The following THADA variants were observed in gnomAD, a reference collection of about 807,000 sequenced individuals.
THADA encodes tRNA (32-2'-O)-methyltransferase regulator THADA.
In THADA, 213 loss-of-function variants were observed where a neutral mutation model predicts 219.8. The observed-to-expected ratio is 0.97, with a 90% CI of 0.87 to 1.09. THADA has a LOEUF of 1.09. Among genes scored for constraint, THADA ranks in the 50% least tolerant of loss-of-function variants. The pLI, the probability that THADA is intolerant of heterozygous loss-of-function variation, is 0.00. For missense variants in THADA, 2,956 were observed against 2,311.3 expected, an observed-to-expected ratio of 1.28 and a Z score of -5.72; for synonymous variants, 1,018 against 828.9, an observed-to-expected ratio of 1.23 and a Z score of -3.92.
At chr2:43,385,871 T>C (rs1332727851) in intron 29 of THADA, among the ~76,000 whole-genome samples, 1 of 151,456 alleles carries the variant, frequency 6.6e-6, no homozygotes, top group Non-Finnish European at 1.5e-5. Context: ...ATCCATTTGA[T>C]ATTAAAAAAA....
intron 30 of THADA, among the ~76,000 whole-genome samples, chr2:43,334,690 G>A (rs1256219369): frequency 5.9e-5 from 9 of 151,926 alleles, no homozygotes; most frequent in Non-Finnish European, 5.9e-5. Context: ...CAGGAGAATG[G>A]CGTGAACCTG....
rs1262556702 is a variant in THADA at position 43,572,707 on chromosome 2, T to A, written c.1908+107A>T. 17 of 947,788 alleles carry A rather than the reference T, an allele frequency of 1.8e-5. No homozygotes were observed. In the East Asian group the frequency reaches 4.0e-4, roughly 23 times the overall value. The allele number at this position is 947,788 out of a possible 1,614,324, so 58.7% of individuals were successfully genotyped here. On this transcript the variant is annotated intron_variant, in intron 12 of 37. Coordinates refer to ENST00000405975, the MANE Select transcript of THADA (RefSeq NM_022065.5). ...CTAGGGTTTCTACTCATTCTCTTTATGAACTCCCTAAAACAGTTCAGGATA... is the reference window on the plus strand; with the variant it reads ...CTAGGGTTTCTACTCATTCTCTTTAAGAACTCCCTAAAACAGTTCAGGATA...
At position 43,595,955 on chromosome 2, in the gene THADA, G is replaced by A. The variant is rs1702107151; in HGVS notation, c.-49C>T. 3 of 152,340 alleles carry A rather than the reference G, an allele frequency of 2.0e-5. No homozygotes were observed. Among genetic ancestry groups the A allele is most frequent in the Non-Finnish European group, 2.9e-5 (2 of 68,048 alleles). 9.4% of individuals were successfully genotyped at this position (152,340 alleles called of 1,614,324 possible). ...CCTCGTGCACGTCGGCGTCTGAGAA[G>A]AGTCGCAGGCGCCTGGTCCAGTCCC... On this transcript the variant is annotated 5_prime_UTR_variant, in exon 1 of 38. Transcript: ENST00000405975.
intron 22 of THADA, among the ~76,000 whole-genome samples, chr2:43,526,496 A>G (rs1693183131): frequency 6.6e-6 from 1 of 152,150 alleles, no homozygotes; most frequent in African/African-American, 2.4e-5. Flanking sequence ...CATTAGCACA[A>G]ATTCCACCTC....
At chr2:43,510,226 T>C (rs905816848) in intron 22 of THADA, among the ~76,000 whole-genome samples, 1 of 152,200 alleles carries the variant, frequency 6.6e-6, no homozygotes, top group Admixed American at 6.5e-5. Context: ...AAATCGGGGA[T>C]GTGTTTTAGA....
intron 26 of THADA, among the ~76,000 whole-genome samples, chr2:43,449,508 C>T (rs759609600): frequency 2.0e-5 from 3 of 152,166 alleles, no homozygotes; most frequent in Non-Finnish European, 4.4e-5. Context: ...AAAAGACCCA[C>T]ACACATTAAA....
chr2:43,586,886 T>C lies in THADA; in HGVS notation c.419A>G (p.Asn140Ser), dbSNP rs765816694. Residue 140 changes from asparagine (N) to serine (S), a missense_variant, in exon 5 of 38, where the codon AAT becomes AGT. Physicochemically the swap from Asn to Ser is conservative, Grantham distance 46. Transcript: ENST00000405975. The stretch of plus-strand genomic sequence containing the variant: ...AAAGTTCTCCATACAGGAAGAAATA[T>C]TGTCAGTAACTTTCCTGTAAGAGTA... ...DLYSYRKVTD[N>S]ISSCMENFNL... 25 of 1,613,770 alleles carry C rather than the reference T, an allele frequency of 1.5e-5. No individual in the cohort carries two copies. The highest frequency in any genetic ancestry group is 1.1e-4 in the South Asian group (10 of 91,072).
At position 43,508,738 on chromosome 2, in the gene THADA, T is replaced by A; in HGVS notation, c.3417A>T (p.Leu1139=). Residue 1139 remains leucine, a synonymous_variant, in exon 23 of 38, where the codon CTA becomes CTT. Transcript: ENST00000405975. The part of the protein sequence containing the change: ...VSLQKLPEQW[L]WSVLEEIKCS... ...ATTTAATTTCCTCTAAAACACTCCA[T>A]AGCCACTGTTCTGGCAGCTTTTGCA... The A allele has an allele frequency of 6.2e-7, 1 of 1,613,728 alleles. No homozygotes were observed.
chr2:43,554,863 A>G (rs1697160952), intron 17 of THADA, among the ~76,000 whole-genome samples: 1 of 152,222 alleles, frequency 6.6e-6, no homozygotes. Flanking sequence ...GCTTGGGACC[A>G]TAAGCGTTTC....
rs571091385 is a variant in THADA at position 43,531,615 on chromosome 2, C to T, written c.3265-3627G>A. ...TACATGAAACAGACTTAACTCAAAC[C>T]ACTTACAAAATTAATAACAACAAAA... On this transcript the variant is annotated intron_variant, in intron 21 of 37. Transcript: ENST00000405975. Among the ~76,000 whole-genome samples, 14 of 152,248 alleles carry T rather than the reference C, an allele frequency of 9.2e-5. No individual in the cohort carries two copies. The South Asian group carries it at 2.9e-3, about 32-fold the overall frequency.
At chr2:43,537,100 C>G (rs545929676) in intron 21 of THADA, among the ~76,000 whole-genome samples, 1 of 152,200 alleles carries the variant, frequency 6.6e-6, no homozygotes, top group African/African-American at 2.4e-5. Flanking sequence ...ACTGTACCTT[C>G]TCTCCTACAG....
intron 28 of THADA, among the ~76,000 whole-genome samples, chr2:43,409,473 T>A (rs1676013039): frequency 1.3e-5 from 2 of 152,058 alleles, no homozygotes; most frequent in Admixed American, 6.6e-5. Flanking sequence ...AGTTGAGTCA[T>A]ATTTCAGCAT....
At chr2:43,589,418 T>C (rs1045709342) in intron 4 of THADA, among the ~76,000 whole-genome samples, 3 of 152,122 alleles carry the variant, frequency 2.0e-5, no homozygotes, top group African/African-American at 7.2e-5. Context: ...TCTAAAGTAA[T>C]CAAATTTATG....
chr2:43,266,840 T>C (rs937439219), intron 36 of THADA, among the ~76,000 whole-genome samples: 4 of 152,156 alleles, frequency 2.6e-5, no homozygotes, highest in East Asian at 3.9e-4. Flanking sequence ...AAGGAGGACA[T>C]GCCACGCATA....
chr2:43,429,935 C>G (rs998543666), intron 27 of THADA, among the ~76,000 whole-genome samples: 1 of 151,558 alleles, frequency 6.6e-6, no homozygotes, highest in Admixed American at 6.6e-5. Context: ...TTGGGAGGCC[C>G]AGGTGGGCAG....
intron 26 of THADA, 145 bp from the exon 27 acceptor site, chr2:43,430,447 G>T: frequency 1.7e-6 from 1 of 574,152 alleles, no homozygotes; most frequent in South Asian, 2.4e-5. Context: ...AGCATCTTAA[G>T]AATTTAACAA....
At chr2:43,583,077 T>G (rs1326191697) in intron 7 of THADA, among the ~76,000 whole-genome samples, 1 of 152,212 alleles carries the variant, frequency 6.6e-6, no homozygotes, top group African/African-American at 2.4e-5. Flanking sequence ...AATTATAATC[T>G]ACATGCTGAT....
chr2:43,313,814 T>C (rs181263992), intron 31 of THADA, among the ~76,000 whole-genome samples: 2 of 152,348 alleles, frequency 1.3e-5, no homozygotes, highest in East Asian at 3.9e-4. Context: ...CTCCCTTCCC[T>C]AAGCGAGTGA....
At chr2:43,315,309 A>G (rs1270422115) in intron 31 of THADA, among the ~76,000 whole-genome samples, 1 of 152,182 alleles carries the variant, frequency 6.6e-6, no homozygotes, top group African/African-American at 2.4e-5. Flanking sequence ...TAATCCCACC[A>G]TTCTAAAATA....
Sources: allele counts gnomAD v4.1 joint callset (sites outside exome capture counted in the v4.1 genomes callset), GRCh38; gene constraint gnomAD v4.1.1; transcripts MANE v1.5; gene names NCBI Gene and HGNC (gene_info 2026-07-23, HGNC 2026-07-21).